The following SPATA13 variants were observed in gnomAD, a reference collection of about 807,000 sequenced individuals.
SPATA13 encodes the protein spermatogenesis-associated protein 13.
SPATA13 carries 50 observed loss-of-function variants against 104.0 expected under a neutral mutation model. The ratio of observed to expected loss-of-function variants is 0.48; its 90% CI spans 0.38 to 0.61. SPATA13 has a LOEUF of 0.61. Ranked by LOEUF, SPATA13 falls within the 20% of genes least tolerant of loss-of-function variation. SPATA13 has a pLI of 0.00. For missense variants in SPATA13, 1,524 were observed against 1,690.6 expected (o/e 0.90, Z 1.73); for synonymous variants, 606 against 667.5 (o/e 0.91, Z 1.42).
At chr13:24,067,227 C>T (rs1478974070) in intron 3 of SPATA13, among the ~76,000 whole-genome samples, 1 of 152,198 alleles carries the variant, frequency 6.6e-6, no homozygotes, top group Admixed American at 6.5e-5. Context: ...CTGATTGGAA[C>T]TCCACTCAGT....
rs544063930 is a variant in SPATA13 at position 24,290,620 on chromosome 13, GA to G, written c.2848-30del. 41 of 1,570,410 alleles carry G rather than the reference GA, an allele frequency of 2.6e-5. No homozygotes were observed. The East Asian group carries it at 5.8e-4, about 22-fold the overall frequency. ...TTTGTCATGTCCCAGAGGCACCCCA[GA>G]AGCTGACGAAGCTGTACTTTTCCTT... On this transcript the variant is annotated intron_variant, in intron 8 of 12. Coordinates refer to ENST00000382108, the MANE Select transcript of SPATA13 (RefSeq NM_001166271.3).
intron 3 of SPATA13, among the ~76,000 whole-genome samples, chr13:24,064,188 T>G (rs1414333887): frequency 6.6e-6 from 1 of 152,210 alleles, no homozygotes; most frequent in Non-Finnish European, 1.5e-5. Flanking sequence ...CACAGATCAC[T>G]TAATGCGTTC....
chr13:24,302,575 A>T, intron 12 of SPATA13, 23 bp from the exon 13 acceptor site: 1 of 1,548,870 alleles, frequency 6.5e-7, no homozygotes, highest in Non-Finnish European at 8.7e-7. Context: ...TCCCTGTTCC[A>T]TCTCTCTCCC....
At position 24,161,100 on chromosome 13, in the gene SPATA13, C is replaced by G. The variant is rs1041329660; in HGVS notation, c.-112+168C>G. Among the ~76,000 whole-genome samples the G allele has an allele frequency of 6.6e-6, 1 of 152,210 alleles. No individual in the cohort carries two copies. The highest frequency in any genetic ancestry group is 2.1e-4 in the South Asian group (1 of 4,834). ...CCGCCGGTGGAGGCTACCGGGTGCT[C>G]ACCTGTTAGGTCCGTGCGCCCGCTC... On this transcript the variant is annotated intron_variant, in intron 1 of 12. Transcript: ENST00000382108. This position sits in a 1 kb window ranked among gnomAD's most constrained non-coding sequence, Gnocchi z 4.5.
chr13:24,278,756 A>G (rs1246965315), intron 4 of SPATA13: 1 of 1,595,804 alleles, frequency 6.3e-7, no homozygotes. Context: ...AAACTTGACC[A>G]AGGACTCATA....
At chr13:24,086,648 GAC>G (rs1425412372) in intron 3 of SPATA13, among the ~76,000 whole-genome samples, 1 of 152,188 alleles carries the variant, frequency 6.6e-6, no homozygotes, top group Non-Finnish European at 1.5e-5. Flanking sequence ...TGCCACAGAA[GAC>G]ACAGTTCAGA....
intron 2 of SPATA13, among the ~76,000 whole-genome samples, chr13:23,984,888 T>C (rs1252784602): frequency 6.6e-6 from 1 of 152,228 alleles, no homozygotes; most frequent in Non-Finnish European, 1.5e-5. Context: ...TGCAAGTCCC[T>C]GCAAGGTAGA....
intron 9 of SPATA13, 88 bp downstream of exon 9, chr13:24,290,972 T>C (rs2138748342): frequency 1.9e-6 from 2 of 1,074,708 alleles, no homozygotes; most frequent in South Asian, 3.0e-5. Context: ...ATAGGTGGGC[T>C]TCAGTGTCAG....
chr13:24,251,780 G>A lies in SPATA13; in HGVS notation c.2082G>A (p.Arg694=). Residue 694 remains arginine, a synonymous_variant, in exon 4 of 13, where the codon CGG becomes CGA. Transcript: ENST00000382108. ...QVPPYKAVSA[R]FRPFTFSQST... ...CACCCTACAAGGCTGTGTCGGCCCG[G>A]TTCCGGCCCTTCACATTCTCCCAGA... 4 of 1,614,206 alleles carry A rather than the reference G, an allele frequency of 2.5e-6. No homozygotes were observed. Among genetic ancestry groups the A allele is most frequent in the African/African-American group, 1.3e-5 (1 of 75,060 alleles).
At position 23,999,754 on chromosome 13, in the gene SPATA13, T is replaced by A. The variant is rs552044817; in HGVS notation, c.-147+15821T>A. ...AAACTGGTGTTTCTTATATTTAGGT[T>A]GCTTTTATTTTCAGTGAGAGGGTAA... On this transcript the variant is annotated intron_variant, in intron 2 of 14. Transcript: ENST00000424834. 5.3e-5 allele frequency among the ~76,000 whole-genome samples: 8 copies of A among 152,340 alleles called. No homozygotes were observed. In the South Asian group the frequency reaches 1.7e-3, roughly 32 times the overall value.
At chr13:24,287,416 A>G (rs1876034446) in intron 7 of SPATA13, among the ~76,000 whole-genome samples, 1 of 152,190 alleles carries the variant, frequency 6.6e-6, no homozygotes, top group African/African-American at 2.4e-5. Context: ...TCCTGCCTTG[A>G]TTTCTCAAAG....
chr13:24,047,107 G>T (rs550260522), intron 3 of SPATA13, among the ~76,000 whole-genome samples: 2 of 152,174 alleles, frequency 1.3e-5, no homozygotes, highest in African/African-American at 4.8e-5. Flanking sequence ...GGTGCACTGA[G>T]TCCACCTCAA....
At chr13:24,289,252 G>A in intron 8 of SPATA13, 74 bp downstream of exon 8, 1 of 1,259,502 alleles carries the variant, frequency 7.9e-7, no homozygotes, top group Non-Finnish European at 1.1e-6. Flanking sequence ...CAGAAAACAG[G>A]AGTCTCTTTT....
intron 3 of SPATA13, among the ~76,000 whole-genome samples, chr13:24,250,556 T>A (rs2138662147): frequency 6.6e-6 from 1 of 152,346 alleles, no homozygotes; most frequent in Admixed American, 6.5e-5. Flanking sequence ...CTTTCATTTT[T>A]AAAACCTGGT....
intron 3 of SPATA13, among the ~76,000 whole-genome samples, chr13:24,096,325 G>C (rs903381946): frequency 6.6e-6 from 1 of 152,194 alleles, no homozygotes; most frequent in African/African-American, 2.4e-5. Context: ...CCTGGGTGCC[G>C]TGGCTCACGC....
rs9580914 is a variant in SPATA13 at position 24,286,814 on chromosome 13, G to A, written c.2531G>A (p.Ser844Asn). Residue 844 changes from serine to asparagine, a missense_variant, in exon 7 of 13, where the codon AGT (serine) becomes AAT (asparagine). Coordinates refer to ENST00000382108, the MANE Select transcript of SPATA13 (RefSeq NM_001166271.3). This position sits in a 1 kb window ranked among gnomAD's most constrained non-coding sequence, Gnocchi z 4.9. ...TCGGAAAACTCCAGCAGCACCCCCA[G>A]TGAGGAGCAGGACGAGGAGGCCAGC... ...ELSENSSSTP[S>N]EEQDEEASQS... 2,022 of 1,613,690 alleles carry A rather than the reference G, an allele frequency of 1.3e-3. 23 individuals are homozygous for A. In the African/African-American group the frequency reaches 0.025, roughly 20 times the overall value.
intron 1 of SPATA13, among the ~76,000 whole-genome samples, chr13:24,198,048 T>A (rs542490854): frequency 1.3e-5 from 2 of 152,248 alleles, no homozygotes; most frequent in African/African-American, 4.8e-5. Flanking sequence ...CAGGCTGGAG[T>A]GCAGTGGCAT....
intron 1 of SPATA13, among the ~76,000 whole-genome samples, chr13:24,207,635 G>A (rs1169743482): frequency 6.6e-6 from 1 of 152,212 alleles, no homozygotes; most frequent in Non-Finnish European, 1.5e-5. Flanking sequence ...TAGATGTGAA[G>A]TGGCTAGTGT....
chr13:24,110,816 T>G (rs1317192825), intron 3 of SPATA13, among the ~76,000 whole-genome samples: 1 of 152,204 alleles, frequency 6.6e-6, no homozygotes, highest in Non-Finnish European at 1.5e-5. Context: ...ATAACCAACT[T>G]GAGATAAGGA....
Sources: gnomAD v4.1 joint callset for allele counts (sites outside exome capture counted in the v4.1 genomes callset) on GRCh38, gnomAD v4.1.1 for gene constraint, Gnocchi (gnomAD v3.1) non-coding constraint, MANE v1.5 for transcripts, NCBI Gene and HGNC (gene_info 2026-07-23, HGNC 2026-07-21) for gene names.